Variants in HEXB observed in about 807,000 individuals in gnomAD.
HEXB encodes the protein beta-hexosaminidase subunit beta.
Under a neutral mutation model 71.2 loss-of-function variants are expected in HEXB, and 51 were observed. The observed-to-expected ratio is 0.72, with a 90% CI of 0.57 to 0.90. The LOEUF (loss-of-function observed/expected upper bound fraction) is 0.90. HEXB is among the 40% of genes least tolerant of loss of function. The probability of loss-of-function intolerance (pLI) is 0.00; values close to 1 mark genes in which losing one functional copy is unlikely to be tolerated. For synonymous variants in HEXB, 266 were observed against 249.3 expected, an observed-to-expected ratio of 1.07 and a Z score of -0.63; for missense variants, 617 against 677.0, an observed-to-expected ratio of 0.91 and a Z score of 0.98.
At chr5:74,651,645 G>A (rs1317603074) in intron 1 of HEXB, among the ~76,000 whole-genome samples, 3 of 152,136 alleles carry the variant, frequency 2.0e-5, no homozygotes, top group African/African-American at 7.2e-5. Context: ...TCCAAGCAAG[G>A]ACGATCATTG....
Position 74,641,538 on chromosome 5 carries a change from A to G in HEXB, c.-377+980A>G, listed in dbSNP as rs1423865884. 2.0e-5 allele frequency: 3 copies of G among 152,258 alleles called. No homozygotes were observed. Among genetic ancestry groups the G allele is most frequent in the African/African-American group, 7.2e-5 (3 of 41,430 alleles). 9.4% of individuals were successfully genotyped at this position (152,258 alleles called of 1,614,324 possible). On this transcript the variant is annotated intron_variant, in intron 1 of 13. Transcript: ENST00000511181. The surrounding 1 kb of genome is among the most constrained non-coding windows in gnomAD (Gnocchi z 4.1). Reference sequence around the variant, plus strand: ...TGATTCAAAGTGAACTCCTCAAAGCAGCAGCCACGCCGCCTCCTCTCCTAG... The same window carrying G: ...TGATTCAAAGTGAACTCCTCAAAGCGGCAGCCACGCCGCCTCCTCTCCTAG...
At position 74,689,316 on chromosome 5, in the gene HEXB, T is replaced by C. The variant is rs200386882; in HGVS notation, c.300-12T>C. 6.8e-6 allele frequency: 11 copies of C among 1,609,020 alleles called. No homozygotes were observed. The highest frequency in any genetic ancestry group is 9.4e-6 in the Non-Finnish European group (11 of 1,175,366). ...TCCTTCTAAAATGTGTTTACATTTA[T>C]TTCTCAAACAGATATCATGGCTATA... On this transcript the variant is annotated splice_polypyrimidine_tract_variant and intron_variant, in intron 1 of 13. Transcript: ENST00000261416.
chr5:74,648,711 G>A (rs1424118743), intron 1 of HEXB, among the ~76,000 whole-genome samples: 2 of 152,132 alleles, frequency 1.3e-5, no homozygotes, highest in African/African-American at 2.4e-5. Context: ...AATGTCATCG[G>A]CATACATGTT....
intron 9 of HEXB, 26 bp downstream of exon 9, chr5:74,716,699 G>A (rs748567060): frequency 1.8e-5 from 24 of 1,341,552 alleles, no homozygotes; most frequent in Non-Finnish European, 2.4e-5. Flanking sequence ...GCCTATTTCT[G>A]TATTAATGCT....
chr5:74,700,173 A>T (rs1749229144), intron 5 of HEXB, among the ~76,000 whole-genome samples: 2 of 150,750 alleles, frequency 1.3e-5, no homozygotes, highest in Non-Finnish European at 1.5e-5. Flanking sequence ...CACCCGGCTA[A>T]TTTTTTGTAT....
chr5:74,647,885 C>T (rs544282825), intron 1 of HEXB, among the ~76,000 whole-genome samples: 3 of 152,270 alleles, frequency 2.0e-5, no homozygotes, highest in East Asian at 3.9e-4. Flanking sequence ...AAGGAATATC[C>T]CAGTTTCACT....
chr5:74,696,658 T>A (rs1749118993), intron 3 of HEXB, 35 bp from the exon 4 acceptor site: 1 of 1,121,068 alleles, frequency 8.9e-7, no homozygotes. Context: ...ATTTGTTGAT[T>A]TATAAATTAA....
intron 1 of HEXB, among the ~76,000 whole-genome samples, chr5:74,644,378 A>G (rs1747962200): frequency 6.6e-6 from 1 of 152,248 alleles, no homozygotes; most frequent in Non-Finnish European, 1.5e-5. Flanking sequence ...CTGCCAGCAC[A>G]CACAGAGGCT....
intron 1 of HEXB, among the ~76,000 whole-genome samples, chr5:74,659,784 T>A (rs1748286004): frequency 1.3e-5 from 2 of 152,240 alleles, no homozygotes; most frequent in Non-Finnish European, 2.9e-5. Flanking sequence ...GAAGTGCTCT[T>A]CTTCAACCCA....
chr5:74,678,897 G>T (rs1748684783), intron 1 of HEXB, among the ~76,000 whole-genome samples: 1 of 152,134 alleles, frequency 6.6e-6, no homozygotes, highest in African/African-American at 2.4e-5. Context: ...CTTAGTAGAA[G>T]TTATAAAATG....
chr5:74,675,529 T>C (rs1748614923), intron 1 of HEXB, among the ~76,000 whole-genome samples: 1 of 152,140 alleles, frequency 6.6e-6, no homozygotes, highest in African/African-American at 2.4e-5. Context: ...TGTGAGGCCA[T>C]TCTGTGAGGG....
chr5:74,665,435 T>TA (rs1010366728), intron 1 of HEXB, among the ~76,000 whole-genome samples: 1 of 152,082 alleles, frequency 6.6e-6, no homozygotes, highest in Non-Finnish European at 1.5e-5. Flanking sequence ...TGTGTGTGTG[T>TA]GTAGGAGGAG....
rs1265804623 is a variant in HEXB, at chr5:74,718,504, C to G, written c.1242+141C>G. ...CCACTTTGGACCTCATAGTTCCAAG[C>G]TAGGTTTGGTAGAAATAAGACTAAA... On this transcript the variant is annotated intron_variant, in intron 10 of 13. Coordinates refer to ENST00000261416, the MANE Select transcript of HEXB (RefSeq NM_000521.4). The G allele has an allele frequency of 3.9e-6, 3 of 764,828 alleles. No homozygotes were observed. The East Asian group carries it at 7.8e-5, about 20-fold the overall frequency. 47.4% of individuals were successfully genotyped at this position (764,828 alleles called of 1,614,324 possible). A position where few individuals can be genotyped will look rare whatever the true frequency, so the allele number is the denominator to read the frequency against.
intron 1 of HEXB, among the ~76,000 whole-genome samples, chr5:74,677,854 C>T (rs1748664928): frequency 6.6e-6 from 1 of 151,936 alleles, no homozygotes; most frequent in Non-Finnish European, 1.5e-5. Flanking sequence ...AGCTCCTTTC[C>T]CACCCTCCCC....
In HEXB at chr5:74,707,094, C is replaced by A. The variant is rs1447798480; in HGVS notation, c.771+1774C>A. On this transcript the variant is annotated intron_variant, in intron 6 of 13. Coordinates refer to ENST00000261416, the MANE Select transcript of HEXB (RefSeq NM_000521.4). ...AGCCGGGTATTCCTCTGAGACAAAACTTCCAGAGGAACGATCAGACAGCAG... is the reference window on the plus strand; with the variant it reads ...AGCCGGGTATTCCTCTGAGACAAAAATTCCAGAGGAACGATCAGACAGCAG... 1.1e-3 allele frequency among the ~76,000 whole-genome samples: 161 copies of A among 152,194 alleles called. 3 individuals carry two copies. Among genetic ancestry groups the A allele is most frequent in the Admixed American group, 0.01 (158 of 15,274 alleles).
At chr5:74,712,997 C>G (rs1749585583) in intron 6 of HEXB, among the ~76,000 whole-genome samples, 1 of 151,700 alleles carries the variant, frequency 6.6e-6, no homozygotes, top group South Asian at 2.1e-4. Flanking sequence ...GCTGATAGTC[C>G]TTTGAAGGAC....
In HEXB at chr5:74,697,021, T is replaced by C. The variant is rs765229504; in HGVS notation, c.584T>C (p.Ile195Thr). The C allele has an allele frequency of 2.5e-6, 4 of 1,572,738 alleles. No individual in the cohort carries two copies. Among genetic ancestry groups the C allele is most frequent in the Admixed American group, 1.7e-5 (1 of 59,956 alleles). Residue 195 changes from isoleucine (I) to threonine (T), a missense_variant, in exon 5 of 14, where the codon ATT (isoleucine) becomes ACT (threonine). Physicochemically the swap from Ile to Thr is moderately conservative, Grantham distance 89. Coordinates refer to ENST00000261416, the MANE Select transcript of HEXB (RefSeq NM_000521.4). The stretch of plus-strand genomic sequence containing the variant: ...TTCACCATCAATGAATCCACCATTA[T>C]TGATTCTCCAAGGTTTTCTCACAGA... The part of the protein sequence containing the change: ...GTFTINESTI[I>T]DSPRFSHRGI...
At chr5:74,685,194 G>A, upstream of HEXB, 5 of 1,430,412 alleles carry the variant, frequency 3.5e-6, no homozygotes, top group Non-Finnish European at 4.6e-6. Context: ...CTCTGATCCG[G>A]GCCGGGCGGG....
intron 5 of HEXB, among the ~76,000 whole-genome samples, chr5:74,704,985 AG>A (rs1354640502): frequency 2.0e-5 from 3 of 151,354 alleles, no homozygotes; most frequent in Non-Finnish European, 4.4e-5. Flanking sequence ...CCAGCTACTC[AG>A]GAGGCTGAAG....
Sources: gnomAD v4.1 joint callset for allele counts (sites outside exome capture counted in the v4.1 genomes callset) on GRCh38, gnomAD v4.1.1 for gene constraint, Gnocchi (gnomAD v3.1) non-coding constraint, MANE v1.5 for transcripts, NCBI Gene and HGNC (gene_info 2026-07-23, HGNC 2026-07-21) for gene names.